Variants in DOCK4 observed in about 807,000 individuals in gnomAD.
The protein encoded by DOCK4 is dedicator of cytokinesis protein 4.
DOCK4 carries 97 observed loss-of-function variants against 268.1 expected under a neutral mutation model. The ratio of observed to expected loss-of-function variants is 0.36; its 90% CI spans 0.31 to 0.43. The LOEUF is 0.43. Ranked by LOEUF, DOCK4 falls within the 20% of genes least tolerant of loss-of-function variation. DOCK4 has a pLI of 1.00. For synonymous variants in DOCK4, 954 were observed against 887.2 expected (o/e 1.08, Z -1.34); for missense variants, 2,145 against 2,455.7 (o/e 0.87, Z 2.67).
At chr7:111,750,605 G>GTGTAATGTCTCAGAAATC (rs1796567746) in intron 42 of DOCK4, among the ~76,000 whole-genome samples, 2 of 152,312 alleles carry the variant, frequency 1.3e-5, no homozygotes, top group East Asian at 3.9e-4. Context: ...AGCAGACGAT[G>GTGTAATGTCTCAGAAATC]TGTAATGTCT....
At chr7:111,818,742 C>G (rs756666744) in intron 27 of DOCK4, among the ~76,000 whole-genome samples, 1 of 152,210 alleles carries the variant, frequency 6.6e-6, no homozygotes, top group Non-Finnish European at 1.5e-5. Context: ...CACATTTCAG[C>G]CACACTAACA....
At chr7:112,104,337 C>T (rs1810949788) in intron 1 of DOCK4, among the ~76,000 whole-genome samples, 1 of 152,166 alleles carries the variant, frequency 6.6e-6, no homozygotes, top group African/African-American at 2.4e-5. Flanking sequence ...CTTTTAAGTA[C>T]ATCACTGCAA....
chr7:111,929,589 G>A (rs1051602523), intron 12 of DOCK4, among the ~76,000 whole-genome samples: 2 of 152,144 alleles, frequency 1.3e-5, no homozygotes, highest in Non-Finnish European at 2.9e-5. Context: ...TGAATAAAAT[G>A]ACTACATTGG....
intron 1 of DOCK4, among the ~76,000 whole-genome samples, chr7:112,178,122 G>A (rs1219814082): frequency 6.6e-6 from 1 of 152,296 alleles, no homozygotes; most frequent in East Asian, 1.9e-4. Flanking sequence ...CTTTCTGAAG[G>A]TTGCTCCTGG....
intron 25 of DOCK4, among the ~76,000 whole-genome samples, chr7:111,837,617 CAG>C (rs1161640153): frequency 2.6e-5 from 4 of 152,040 alleles, no homozygotes; most frequent in African/African-American, 9.6e-5. Context: ...AATGAACAAT[CAG>C]AAATTGAAAT....
chr7:111,768,833 A>T (rs1420084527), intron 37 of DOCK4, among the ~76,000 whole-genome samples: 1 of 152,214 alleles, frequency 6.6e-6, no homozygotes, highest in Non-Finnish European at 1.5e-5. Flanking sequence ...TTTTTCAGAG[A>T]ATACAATATC....
At chr7:111,900,327 T>C (rs1400857507) in intron 15 of DOCK4, 47 bp downstream of exon 15, 3 of 1,584,706 alleles carry the variant, frequency 1.9e-6, no homozygotes, top group South Asian at 2.3e-5. Flanking sequence ...GTAAGCAGGA[T>C]ACTCCAGCAC....
chr7:111,938,753 A>T (rs1794946167), intron 11 of DOCK4, among the ~76,000 whole-genome samples: 1 of 152,196 alleles, frequency 6.6e-6, no homozygotes, highest in East Asian at 1.9e-4. Context: ...CTTTACAGAG[A>T]TAATCATATA....
chr7:111,885,257 G>C (rs919631993), intron 16 of DOCK4, among the ~76,000 whole-genome samples: 2 of 152,196 alleles, frequency 1.3e-5, no homozygotes. Context: ...ATGTAATTGA[G>C]AGATGGCTTT....
At chr7:111,901,413 C>A (rs1441599821) in intron 14 of DOCK4, among the ~76,000 whole-genome samples, 1 of 147,006 alleles carries the variant, frequency 6.8e-6, no homozygotes. Flanking sequence ...ATTAAGCAAA[C>A]TGTAAAAGTT....
At chr7:112,043,007 G>A (rs776554970) in intron 1 of DOCK4, among the ~76,000 whole-genome samples, 1 of 152,124 alleles carries the variant, frequency 6.6e-6, no homozygotes, top group South Asian at 2.1e-4. Context: ...TTATAACGCA[G>A]CATGAGGCCC....
chr7:111,771,397 C>T (rs1272695217), intron 36 of DOCK4, among the ~76,000 whole-genome samples: 2 of 152,200 alleles, frequency 1.3e-5, no homozygotes, highest in African/African-American at 2.4e-5. Context: ...AGCTGCCCGA[C>T]GGGGACAGTG....
intron 7 of DOCK4, among the ~76,000 whole-genome samples, chr7:111,983,047 C>A (rs1176677309): frequency 6.6e-6 from 1 of 152,084 alleles, no homozygotes; most frequent in Non-Finnish European, 1.5e-5. Context: ...CTGTTTAGTA[C>A]TGATGTCATG....
intron 1 of DOCK4, among the ~76,000 whole-genome samples, chr7:112,088,817 C>G (rs145477598): frequency 5.9e-5 from 9 of 152,226 alleles, no homozygotes; most frequent in African/African-American, 1.9e-4. Flanking sequence ...ACCCCTTTGT[C>G]CCTCAGTTTC....
At chr7:112,176,226 G>A (rs1175835201) in intron 1 of DOCK4, among the ~76,000 whole-genome samples, 4 of 152,156 alleles carry the variant, frequency 2.6e-5, no homozygotes, top group Non-Finnish European at 5.9e-5. Flanking sequence ...GATCTATTGG[G>A]AAAGGAGAGT....
chr7:111,868,977 C>T (rs1046783166), intron 21 of DOCK4, among the ~76,000 whole-genome samples: 3 of 152,084 alleles, frequency 2.0e-5, no homozygotes, highest in Non-Finnish European at 2.9e-5. Context: ...GGATGGTCCT[C>T]AACAACAGGA....
chr7:111,832,510 A>C (rs1272718006), intron 26 of DOCK4, among the ~76,000 whole-genome samples: 2 of 152,150 alleles, frequency 1.3e-5, no homozygotes, highest in Non-Finnish European at 2.9e-5. Flanking sequence ...TTATTAAATA[A>C]TTCTCCTAGT....
intron 22 of DOCK4, among the ~76,000 whole-genome samples, chr7:111,866,081 G>T (rs754648586): frequency 6.6e-6 from 1 of 152,198 alleles, no homozygotes; most frequent in African/African-American, 2.4e-5. Flanking sequence ...ATAGAACTGT[G>T]GGCTAATAAA....
At chr7:111,866,132 A>G (rs939774860) in intron 22 of DOCK4, among the ~76,000 whole-genome samples, 1 of 152,224 alleles carries the variant, frequency 6.6e-6, no homozygotes, top group Admixed American at 6.5e-5. Flanking sequence ...GTCATTTGTT[A>G]CACAGCAATA....
Sources: allele counts gnomAD v4.1 joint callset (sites outside exome capture counted in the v4.1 genomes callset), GRCh38; gene constraint gnomAD v4.1.1; transcripts MANE v1.5; gene names NCBI Gene and HGNC (gene_info 2026-07-23, HGNC 2026-07-21).